PHLDB2: variants seen among roughly 807,000 people sequenced by gnomAD.
The protein encoded by PHLDB2 is pleckstrin homology-like domain family B member 2.
A neutral mutation model predicts 123.6 loss-of-function variants in PHLDB2; 71 were observed. That is an observed-to-expected ratio of 0.57 (90% CI 0.47 to 0.70). The LOEUF (loss-of-function observed/expected upper bound fraction) is 0.70, where lower values mean the gene tolerates loss of function less well. Among genes scored for constraint, PHLDB2 ranks in the 30% least tolerant of loss-of-function variants. The pLI is 0.00. For synonymous variants in PHLDB2, 547 were observed against 541.6 expected (o/e 1.01, Z -0.14); for missense variants, 1,446 against 1,519.5 (o/e 0.95, Z 0.80).
intron 1 of PHLDB2, among the ~76,000 whole-genome samples, chr3:111,740,557 C>A (rs2059585546): frequency 6.6e-6 from 1 of 152,110 alleles, no homozygotes; most frequent in Non-Finnish European, 1.5e-5. Context: ...CTACTCTATT[C>A]CTAATATCTA....
chr3:111,903,792 T>A (rs2067337088), intron 2 of PHLDB2, among the ~76,000 whole-genome samples: 1 of 152,208 alleles, frequency 6.6e-6, no homozygotes, highest in African/African-American at 2.4e-5. Context: ...CACACATTTC[T>A]TTACTGAATT....
intron 5 of PHLDB2, among the ~76,000 whole-genome samples, chr3:111,930,694 A>G (rs1341732061): frequency 6.6e-6 from 1 of 152,206 alleles, no homozygotes; most frequent in Non-Finnish European, 1.5e-5. Flanking sequence ...ACACGTGGGC[A>G]TCCTTTGTTC....
At chr3:111,773,413 T>C (rs1480613026) in intron 1 of PHLDB2, among the ~76,000 whole-genome samples, 1 of 151,780 alleles carries the variant, frequency 6.6e-6, no homozygotes, top group East Asian at 1.9e-4. Flanking sequence ...CTTGAGGGGG[T>C]CCCTTAAAGA....
At chr3:111,740,916 A>C (rs1436715762) in intron 1 of PHLDB2, among the ~76,000 whole-genome samples, 2 of 150,586 alleles carry the variant, frequency 1.3e-5, no homozygotes, top group Non-Finnish European at 3.0e-5. Flanking sequence ...AAAAAAAAAG[A>C]AACAGTGGGG....
intron 1 of PHLDB2, among the ~76,000 whole-genome samples, chr3:111,828,494 C>A (rs566523449): frequency 7.2e-5 from 11 of 152,188 alleles, no homozygotes; most frequent in African/African-American, 2.7e-4. Flanking sequence ...ATAGTTTTGG[C>A]TTTTAAAAGA....
At chr3:111,895,228 A>G (rs1559890712) in intron 2 of PHLDB2, among the ~76,000 whole-genome samples, 1 of 152,192 alleles carries the variant, frequency 6.6e-6, no homozygotes, top group Non-Finnish European at 1.5e-5. Flanking sequence ...CATTCTTGAG[A>G]GCAAACCCTC....
rs1426603801 is a variant in PHLDB2, at chr3:111,975,212, T to C, written c.*649T>C. ...CATCAAATGCCCAGGAAATTGACTT[T>C]GCAGTGTCACCACTGGTGTAAGCTA... is the stretch of plus-strand genomic sequence containing the variant. On this transcript the variant is annotated 3_prime_UTR_variant, in exon 18 of 18. Coordinates refer to ENST00000431670, the MANE Select transcript of PHLDB2 (RefSeq NM_001134438.2). 6.6e-6 allele frequency: 1 copy of C among 152,440 alleles called. No homozygotes were observed. Among genetic ancestry groups the C allele is most frequent in the Non-Finnish European group, 1.5e-5 (1 of 68,040 alleles). 9.4% of individuals were successfully genotyped at this position (152,440 alleles called of 1,614,324 possible).
At chr3:111,832,756 TATACATATA>T (rs2063130765) in intron 1 of PHLDB2, among the ~76,000 whole-genome samples, 1 of 27,558 alleles carries the variant, frequency 3.6e-5, no homozygotes, top group African/African-American at 2.9e-4. Context: ...ATAATAGAAT[TATACATATA>T]ATATATATAA....
upstream of PHLDB2, among the ~76,000 whole-genome samples, chr3:111,854,544 A>G (rs1021822803): frequency 2.0e-5 from 3 of 152,238 alleles, no homozygotes; most frequent in East Asian, 3.8e-4. Flanking sequence ...TTAGGCTATC[A>G]TTGCAGAGAA....
In PHLDB2 at chr3:111,929,446, T is replaced by A. The variant is rs183981708; in HGVS notation, c.2002-2823T>A. Among the ~76,000 whole-genome samples, 559 of 152,302 alleles carry A rather than the reference T, an allele frequency of 3.7e-3. 6 individuals are homozygous for A. Among genetic ancestry groups the A allele is most frequent in the African/African-American group, 0.013 (541 of 41,562 alleles). ...AAACCTCAATCTTAATATTTTACAT[T>A]TAAAAAGCAAGAATCCCTAAACCCT... On this transcript the variant is annotated intron_variant, in intron 5 of 17. Coordinates refer to ENST00000431670, the MANE Select transcript of PHLDB2 (RefSeq NM_001134438.2).
intron 7 of PHLDB2, among the ~76,000 whole-genome samples, chr3:111,939,904 T>C (rs1298016541): frequency 2.0e-5 from 3 of 152,242 alleles, no homozygotes; most frequent in African/African-American, 7.2e-5. Context: ...AACTATTTCT[T>C]TTTGCAATCA....
At chr3:111,802,267 G>A (rs2061406607) in intron 1 of PHLDB2, among the ~76,000 whole-genome samples, 1 of 152,218 alleles carries the variant, frequency 6.6e-6, no homozygotes, top group African/African-American at 2.4e-5. Context: ...GTACCAAAGT[G>A]TAAACACAGT....
At chr3:111,814,379 C>A (rs1192163280) in intron 1 of PHLDB2, among the ~76,000 whole-genome samples, 1 of 152,188 alleles carries the variant, frequency 6.6e-6, no homozygotes, top group African/African-American at 2.4e-5. Context: ...GAACATCAGA[C>A]TCCAGGTTCT....
At chr3:111,748,683 G>C (rs923320702) in intron 1 of PHLDB2, among the ~76,000 whole-genome samples, 3 of 151,692 alleles carry the variant, frequency 2.0e-5, no homozygotes, top group Non-Finnish European at 4.4e-5. Flanking sequence ...CACCATACCC[G>C]GCTAATTTTT....
At chr3:111,886,756 C>G (rs1245568202) in intron 2 of PHLDB2, among the ~76,000 whole-genome samples, 2 of 152,156 alleles carry the variant, frequency 1.3e-5, no homozygotes, top group African/African-American at 4.8e-5. Flanking sequence ...TTGAGTGGGT[C>G]AGTTATACAG....
At chr3:111,878,521 T>C (rs1032088648) in intron 1 of PHLDB2, among the ~76,000 whole-genome samples, 1 of 152,224 alleles carries the variant, frequency 6.6e-6, no homozygotes, top group Non-Finnish European at 1.5e-5. Context: ...ACTTCCTCTT[T>C]TCCTAATTGA....
chr3:111,930,581 A>C (rs1322048363), intron 5 of PHLDB2, among the ~76,000 whole-genome samples: 1 of 152,176 alleles, frequency 6.6e-6, no homozygotes, highest in Non-Finnish European at 1.5e-5. Context: ...GCCAGAGGAC[A>C]ACAGATATTC....
intron 1 of PHLDB2, chr3:111,845,735 A>C: frequency 6.7e-7 from 1 of 1,483,780 alleles, no homozygotes; most frequent in Non-Finnish European, 9.3e-7. Flanking sequence ...ATCTGAGTTC[A>C]ACAGATGAAG....
chr3:111,801,992 A>G (rs1485325772), intron 1 of PHLDB2, among the ~76,000 whole-genome samples: 1 of 152,250 alleles, frequency 6.6e-6, no homozygotes, highest in Non-Finnish European at 1.5e-5. Flanking sequence ...TCTAGACTTT[A>G]TAAAGGGTGG....
Sources: gnomAD v4.1 joint callset for allele counts (sites outside exome capture counted in the v4.1 genomes callset) on GRCh38, gnomAD v4.1.1 for gene constraint, MANE v1.5 for transcripts, NCBI Gene and HGNC (gene_info 2026-07-23, HGNC 2026-07-21) for gene names.